The following PHYHIPL variants were observed in gnomAD, a reference collection of about 807,000 sequenced individuals.
PHYHIPL encodes phytanoyl-CoA 2-hydroxylase interacting protein like.
A neutral mutation model predicts 33.4 loss-of-function variants in PHYHIPL; 9 were observed. That is an observed-to-expected ratio of 0.27 (90% CI 0.16 to 0.47). The LOEUF (loss-of-function observed/expected upper bound fraction) is 0.47, where lower values mean the gene tolerates loss of function less well. Ranked by LOEUF, PHYHIPL falls within the 20% of genes least tolerant of loss-of-function variation. PHYHIPL has a pLI of 0.99. For missense variants in PHYHIPL, 365 were observed against 460.7 expected, an observed-to-expected ratio of 0.79 and a Z score of 1.90; for synonymous variants, 153 against 154.1, an observed-to-expected ratio of 0.99 and a Z score of 0.05.
intron 1 of PHYHIPL, among the ~76,000 whole-genome samples, chr10:59,209,484 G>A (rs953585637): frequency 1.3e-5 from 2 of 152,146 alleles, no homozygotes; most frequent in Non-Finnish European, 2.9e-5. Flanking sequence ...ATGCCAAATT[G>A]TAAAGACCAT....
Position 59,246,510 on chromosome 10 carries a change from T to TTGG in PHYHIPL, c.*921_*923dup, listed in dbSNP as rs1217203564. 5.1e-6 allele frequency: 2 copies of TTGG among 390,832 alleles called. No homozygotes were observed. Among genetic ancestry groups the TTGG allele is most frequent in the Non-Finnish European group, 9.0e-6 (2 of 221,110 alleles). The allele number at this position is 390,832 out of a possible 1,614,324, so 24.2% of individuals were successfully genotyped here. A position where few individuals can be genotyped will look rare whatever the true frequency, so the allele number is the denominator to read the frequency against. On this transcript the variant is annotated 3_prime_UTR_variant, in exon 5 of 5. Coordinates refer to ENST00000373880, the MANE Select transcript of PHYHIPL (RefSeq NM_032439.4). Reference sequence around the variant, plus strand: ...ACAGAAAATAGAAATACAAACAAGGTTGGTACATGAGAGAAAATGTTGACC... The same window carrying TTGG: ...ACAGAAAATAGAAATACAAACAAGGTTGGTGGTACATGAGAGAAAATGTTGACC...
upstream of PHYHIPL, among the ~76,000 whole-genome samples, chr10:59,174,945 T>C (rs1303086250): frequency 6.6e-6 from 1 of 152,260 alleles, no homozygotes; most frequent in Non-Finnish European, 1.5e-5. Flanking sequence ...TTGCATGAGT[T>C]TGAATTAAAT....
At chr10:59,214,030 G>T (rs946918810) in intron 1 of PHYHIPL, among the ~76,000 whole-genome samples, 4 of 152,042 alleles carry the variant, frequency 2.6e-5, no homozygotes, top group Admixed American at 1.3e-4. Context: ...TGATCCATGG[G>T]GGGAAAGATG....
rs536540263 is a variant in PHYHIPL, at chr10:59,238,791, C to T, written c.596+86C>T. On this transcript the variant is annotated intron_variant, in intron 4 of 4. Coordinates refer to ENST00000373880, the MANE Select transcript of PHYHIPL (RefSeq NM_032439.4). ...AGGTTTCCCTTGACTCTAGTTTTGT[C>T]GAATAGCAATTCTAGATTTCTTTTC... The T allele has an allele frequency of 3.3e-5, 23 of 696,860 alleles. No individual in the cohort carries two copies. In the South Asian group the frequency reaches 3.8e-4, roughly 12 times the overall value. The allele number at this position is 696,860 out of a possible 1,614,324, so 43.2% of individuals were successfully genotyped here. A position where few individuals can be genotyped will look rare whatever the true frequency, so the allele number is the denominator to read the frequency against.
At chr10:59,240,890 C>G (rs1269661220) in intron 4 of PHYHIPL, among the ~76,000 whole-genome samples, 1 of 151,754 alleles carries the variant, frequency 6.6e-6, no homozygotes, top group Non-Finnish European at 1.5e-5. Context: ...AAAATGCTTC[C>G]AAGAATAAAT....
At chr10:59,193,101 T>C (rs539443622) in intron 1 of PHYHIPL, among the ~76,000 whole-genome samples, 1 of 152,288 alleles carries the variant, frequency 6.6e-6, no homozygotes, top group African/African-American at 2.4e-5. Context: ...TATGAGGTTT[T>C]TCAACTGCTC....
intron 1 of PHYHIPL, among the ~76,000 whole-genome samples, chr10:59,198,831 C>G (rs1839007344): frequency 6.6e-6 from 1 of 152,154 alleles, no homozygotes; most frequent in Non-Finnish European, 1.5e-5. Flanking sequence ...TTTCATGTGT[C>G]TGTTGGCTGC....
chr10:59,202,221 T>C (rs974984557), intron 1 of PHYHIPL, among the ~76,000 whole-genome samples: 3 of 151,782 alleles, frequency 2.0e-5, no homozygotes, highest in African/African-American at 7.3e-5. Flanking sequence ...GGTTGAAAAA[T>C]TACCCACCGG....
chr10:59,202,989 T>A (rs941275214), intron 1 of PHYHIPL, among the ~76,000 whole-genome samples: 1 of 151,710 alleles, frequency 6.6e-6, no homozygotes. Context: ...TAGTGATTAC[T>A]AAAAAGGCCA....
At chr10:59,186,283 T>C (rs1321780643) in intron 1 of PHYHIPL, among the ~76,000 whole-genome samples, 5 of 152,174 alleles carry the variant, frequency 3.3e-5, no homozygotes, top group Non-Finnish European at 5.9e-5. Flanking sequence ...TGTAGATATG[T>C]GGCATTATTT....
chr10:59,176,254 A>G (rs1482975854), upstream of PHYHIPL, among the ~76,000 whole-genome samples: 1 of 152,182 alleles, frequency 6.6e-6, no homozygotes, highest in Non-Finnish European at 1.5e-5. Flanking sequence ...TTGGTAAACA[A>G]CAAACATGCT....
chr10:59,211,148 G>A (rs1358137111), intron 1 of PHYHIPL, among the ~76,000 whole-genome samples: 1 of 152,036 alleles, frequency 6.6e-6, no homozygotes, highest in Non-Finnish European at 1.5e-5. Context: ...CGAGGTGGGA[G>A]CATCACTTGA....
chr10:59,227,305 CAAACATCCAAAG>C (rs1839952386), intron 1 of PHYHIPL, among the ~76,000 whole-genome samples: 1 of 152,104 alleles, frequency 6.6e-6, no homozygotes, highest in Non-Finnish European at 1.5e-5. Flanking sequence ...GCAAGGCAAG[CAAACATCCAAAG>C]AAACATGCAC....
chr10:59,238,494 A>G (rs545551878), intron 3 of PHYHIPL, 94 bp from the exon 4 acceptor site: 2 of 637,006 alleles, frequency 3.1e-6, no homozygotes, highest in East Asian at 5.2e-5. Flanking sequence ...TGAATTCCCT[A>G]GAGGTGAATT....
At chr10:59,201,815 A>T (rs922074639) in intron 1 of PHYHIPL, among the ~76,000 whole-genome samples, 8 of 152,154 alleles carry the variant, frequency 5.3e-5, no homozygotes, top group Non-Finnish European at 7.3e-5. Context: ...CTGGGCCTTG[A>T]TATTTTTAAA....
At chr10:59,188,032 T>C (rs1838665367) in intron 1 of PHYHIPL, among the ~76,000 whole-genome samples, 1 of 152,202 alleles carries the variant, frequency 6.6e-6, no homozygotes, top group Non-Finnish European at 1.5e-5. Context: ...TGCTCTTGCT[T>C]CTCTAGTTCT....
chr10:59,207,610 G>A (rs1030183729), intron 1 of PHYHIPL, among the ~76,000 whole-genome samples: 2 of 152,172 alleles, frequency 1.3e-5, no homozygotes, highest in African/African-American at 2.4e-5. Flanking sequence ...AGGCAGCAGC[G>A]GCCAGGCACG....
At position 59,245,937 on chromosome 10, in the gene PHYHIPL, G is replaced by A; in HGVS notation, c.*346G>A. 5.3e-6 allele frequency: 1 copy of A among 187,214 alleles called. No homozygotes were observed. The highest frequency in any genetic ancestry group is 1.1e-5 in the Non-Finnish European group (1 of 90,784). The allele number at this position is 187,214 out of a possible 1,614,324, so 11.6% of individuals were successfully genotyped here. ...TACACAATAATGGCTTATAAATGGT[G>A]TTTAAATATGCATTCATTTTAATCT... On this transcript the variant is annotated 3_prime_UTR_variant, in exon 5 of 5. Coordinates refer to ENST00000373880, the MANE Select transcript of PHYHIPL (RefSeq NM_032439.4).
intron 1 of PHYHIPL, among the ~76,000 whole-genome samples, chr10:59,195,168 A>C (rs1002930955): frequency 3.3e-5 from 5 of 150,086 alleles, no homozygotes; most frequent in African/African-American, 1.2e-4. Flanking sequence ...TGGTGCTAGA[A>C]TTTAATTGCT....
Sources: allele counts gnomAD v4.1 joint callset (sites outside exome capture counted in the v4.1 genomes callset), GRCh38; gene constraint gnomAD v4.1.1; transcripts MANE v1.5; gene names NCBI Gene and HGNC (gene_info 2026-07-23, HGNC 2026-07-21).